Variants in MAGI3 observed in about 807,000 individuals in gnomAD.
MAGI3 encodes the protein membrane associated guanylate kinase, WW and PDZ domain containing 3.
In MAGI3, 43 loss-of-function variants were observed where a neutral mutation model predicts 121.8. The ratio of observed to expected loss-of-function variants is 0.35; its 90% CI spans 0.28 to 0.46. MAGI3 has a LOEUF of 0.46. Among genes scored for constraint, MAGI3 ranks in the 20% least tolerant of loss-of-function variants. MAGI3 has a pLI of 1.00. For missense variants in MAGI3, 1,547 were observed against 1,797.3 expected (o/e 0.86, Z 2.52); for synonymous variants, 553 against 639.3 (o/e 0.86, Z 2.04).
intron 1 of MAGI3, among the ~76,000 whole-genome samples, chr1:113,513,824 C>T (rs1657744202): frequency 2.0e-5 from 3 of 152,114 alleles, no homozygotes; most frequent in African/African-American, 4.8e-5. Flanking sequence ...AAGAAACTAC[C>T]ATCAGAGTGA....
rs1557868797 is a variant in MAGI3, at chr1:113,641,021, T to TG, written c.1361-890_1361-889insG. 6.7e-3 allele frequency among the ~76,000 whole-genome samples: 173 copies of TG among 25,820 alleles called. 3 individuals carry two copies. Among genetic ancestry groups the TG allele is most frequent in the Non-Finnish European group, 0.014 (155 of 10,870 alleles). 16.9% of individuals were successfully genotyped at this position (25,820 alleles called of 152,430 possible). ...TGATATATATAATATATATGATATATAATATATATGATATATATAATATAT... is the reference window on the plus strand; with the variant it reads ...TGATATATATAATATATATGATATATGAATATATATGATATATATAATATAT... On this transcript the variant is annotated intron_variant, in intron 9 of 20. Transcript: ENST00000307546.
intron 1 of MAGI3, among the ~76,000 whole-genome samples, chr1:113,448,529 T>C (rs548371207): frequency 3.3e-5 from 5 of 152,372 alleles, no homozygotes; most frequent in African/African-American, 9.6e-5. Flanking sequence ...TATTTCTGCA[T>C]TCTTGTCCTA....
chr1:113,584,388 A>T (rs1648231497), intron 3 of MAGI3, among the ~76,000 whole-genome samples: 1 of 152,138 alleles, frequency 6.6e-6, no homozygotes, highest in African/African-American at 2.4e-5. Context: ...ATTTATTTTT[A>T]CTGCAAAAAT....
At chr1:113,452,591 G>A (rs1359128960) in intron 1 of MAGI3, among the ~76,000 whole-genome samples, 1 of 151,830 alleles carries the variant, frequency 6.6e-6, no homozygotes, top group East Asian at 1.9e-4. Flanking sequence ...AGTTTGCACT[G>A]ACAATAAAGG....
chr1:113,523,917 A>T (rs764894413), intron 1 of MAGI3, among the ~76,000 whole-genome samples: 4 of 152,052 alleles, frequency 2.6e-5, no homozygotes, highest in Non-Finnish European at 5.9e-5. Flanking sequence ...GAGACCGAGG[A>T]GGAAAAAATT....
At position 113,585,580 on chromosome 1, in the gene MAGI3, T is replaced by C. The variant is rs774884987; in HGVS notation, c.747T>C (p.Asn249=). ...EEEDEDKEAI[N]GSGNAENRER... ...AAGATGAGGACAAGGAAGCTATTAA[T>C]GGCAGTGGAAACGCAGGTTTGTAAA... The change falls in exon 4 of 21, where the codon AAT becomes AAC. Residue 249 remains asparagine (N), a synonymous_variant. Transcript: ENST00000307546. 1 of 1,613,466 alleles carries C rather than the reference T, an allele frequency of 6.2e-7. No homozygotes were observed. Among genetic ancestry groups the C allele is most frequent in the Admixed American group, 1.7e-5 (1 of 59,922 alleles).
chr1:113,440,440 A>G (rs1653854242), intron 1 of MAGI3, among the ~76,000 whole-genome samples: 1 of 152,222 alleles, frequency 6.6e-6, no homozygotes. Flanking sequence ...CATTTAAAGC[A>G]GAAAAAGGAA....
chr1:113,531,694 A>C (rs1256761260), intron 1 of MAGI3, among the ~76,000 whole-genome samples: 1 of 131,580 alleles, frequency 7.6e-6, no homozygotes, highest in Admixed American at 7.8e-5. Flanking sequence ...TCTATGTTTG[A>C]ACATAAGTGG....
chr1:113,405,158 T>C (rs1159704731), intron 1 of MAGI3, among the ~76,000 whole-genome samples: 1 of 151,968 alleles, frequency 6.6e-6, no homozygotes, highest in African/African-American at 2.4e-5. Context: ...TAGTCCAAGT[T>C]CCCTCTCCCA....
At chr1:113,455,432 T>C (rs201896241) in intron 1 of MAGI3, among the ~76,000 whole-genome samples, 6 of 152,134 alleles carry the variant, frequency 3.9e-5, no homozygotes, top group African/African-American at 1.4e-4. Flanking sequence ...CTTCCCATTG[T>C]TCTCAAGATA....
chr1:113,643,767 C>T lies in MAGI3; in HGVS notation c.1991C>T (p.Ala664Val). The T allele has an allele frequency of 1.9e-6, 3 of 1,613,680 alleles. No homozygotes were observed. Among genetic ancestry groups the T allele is most frequent in the African/African-American group, 1.3e-5 (1 of 74,954 alleles). Residue 664 changes from alanine (A) to valine (V), a missense_variant, in exon 11 of 21, where the codon GCC becomes GTC. Physicochemically the swap from Ala to Val is moderately conservative, Grantham distance 64. Transcript: ENST00000307546. ...GGTCCTCCTTCACCAACCAAAACTG[C>T]CAAAATGGTGAGTATACACTGGTCC... ...RGGPPSPTKT[A>V]KMKTDKKENA... is the part of the protein sequence containing the mutation.
intron 1 of MAGI3, among the ~76,000 whole-genome samples, chr1:113,506,911 C>T (rs1019079978): frequency 1.3e-5 from 2 of 152,090 alleles, no homozygotes; most frequent in African/African-American, 2.4e-5. Context: ...TGACTGCTGG[C>T]GCCTTCTTGG....
At chr1:113,621,436 A>C (rs1204015449) in intron 8 of MAGI3, among the ~76,000 whole-genome samples, 1 of 152,172 alleles carries the variant, frequency 6.6e-6, no homozygotes, top group Non-Finnish European at 1.5e-5. Flanking sequence ...GTAAAATTGC[A>C]ATAGAATGAA....
intron 1 of MAGI3, among the ~76,000 whole-genome samples, chr1:113,517,324 G>A (rs974588625): frequency 6.6e-6 from 1 of 151,268 alleles, no homozygotes; most frequent in Non-Finnish European, 1.5e-5. Context: ...TAAAATAAAA[G>A]TTTTATTTAT....
intron 9 of MAGI3, among the ~76,000 whole-genome samples, chr1:113,637,719 C>G (rs888362089): frequency 1.3e-5 from 2 of 152,186 alleles, no homozygotes; most frequent in Non-Finnish European, 1.5e-5. Flanking sequence ...TGGAGTTGCT[C>G]TTCTCGAGGA....
At chr1:113,605,125 TCA>T (rs1649674435) in intron 6 of MAGI3, among the ~76,000 whole-genome samples, 2 of 152,082 alleles carry the variant, frequency 1.3e-5, no homozygotes, top group Non-Finnish European at 2.9e-5. Flanking sequence ...TTAGAACTTT[TCA>T]CAGTTTCCTA....
chr1:113,539,648 T>C (rs1659179606), intron 1 of MAGI3, among the ~76,000 whole-genome samples: 1 of 152,098 alleles, frequency 6.6e-6, no homozygotes, highest in Non-Finnish European at 1.5e-5. Flanking sequence ...ACCCACTAAC[T>C]CGTCATCTAG....
At chr1:113,448,528 A>G (rs1039695186) in intron 1 of MAGI3, among the ~76,000 whole-genome samples, 1 of 152,228 alleles carries the variant, frequency 6.6e-6, no homozygotes, top group African/African-American at 2.4e-5. Flanking sequence ...GTATTTCTGC[A>G]TTCTTGTCCT....
Position 113,390,947 on chromosome 1 carries a change from C to T in MAGI3, c.-87C>T. 1.7e-6 allele frequency: 2 copies of T among 1,165,064 alleles called. No individual in the cohort carries two copies. Among genetic ancestry groups the T allele is most frequent in the East Asian group, 3.2e-5 (1 of 31,086 alleles). 72.2% of individuals were successfully genotyped at this position (1,165,064 alleles called of 1,614,324 possible). On this transcript the variant is annotated 5_prime_UTR_variant, in exon 1 of 21. Transcript: ENST00000307546. ...GCCCCCCTTACCGGGCTGCGCGGGCCGCCCAGGGCCCCCGGGCTGAGACGG... is the reference window on the plus strand; with the variant it reads ...GCCCCCCTTACCGGGCTGCGCGGGCTGCCCAGGGCCCCCGGGCTGAGACGG...
Sources: allele counts gnomAD v4.1 joint callset (sites outside exome capture counted in the v4.1 genomes callset), GRCh38; gene constraint gnomAD v4.1.1; transcripts MANE v1.5; gene names NCBI Gene and HGNC (gene_info 2026-07-23, HGNC 2026-07-21).